The following PHF24 variants were observed in gnomAD, a reference collection of about 807,000 sequenced individuals.
The protein encoded by PHF24 is Galpha inhibitory interacting protein.
Under a neutral mutation model 42.6 loss-of-function variants are expected in PHF24, and 25 were observed. That is an observed-to-expected ratio of 0.59 (90% CI 0.43 to 0.82). The LOEUF (loss-of-function observed/expected upper bound fraction) is 0.82. Among genes scored for constraint, PHF24 ranks in the 40% least tolerant of loss-of-function variants. The pLI is 0.00. For synonymous variants in PHF24, 185 were observed against 204.8 expected (o/e 0.90, Z 0.83); for missense variants, 470 against 538.1 (o/e 0.87, Z 1.25).
the PHF24 span, among the ~76,000 whole-genome samples, chr9:34,928,216 CAAAA>C: frequency 1.0e-4 from 11 of 109,264 alleles, no homozygotes; most frequent in Non-Finnish European, 1.4e-4. Context: ...GACTCTGTCT[CAAAA>C]AAAAAAAAAA....
the PHF24 span, among the ~76,000 whole-genome samples, chr9:34,945,693 T>G: frequency 2.0e-5 from 3 of 152,186 alleles, no homozygotes; most frequent in Admixed American, 2.0e-4. Context: ...TCTCCTGTAC[T>G]CACTTGCCCT....
the PHF24 span, among the ~76,000 whole-genome samples, chr9:34,878,029 G>T: frequency 6.6e-6 from 1 of 152,140 alleles, no homozygotes; most frequent in Non-Finnish European, 1.5e-5. Flanking sequence ...AACACAAAAA[G>T]TGAACCCCAA....
the PHF24 span, among the ~76,000 whole-genome samples, chr9:34,808,222 A>C: frequency 2.6e-5 from 4 of 152,178 alleles, no homozygotes; most frequent in Admixed American, 2.6e-4. Flanking sequence ...GAAAATAATA[A>C]AAGTATAGTA....
the PHF24 span, among the ~76,000 whole-genome samples, chr9:34,854,203 T>C: frequency 3.3e-5 from 5 of 151,284 alleles, no homozygotes; most frequent in Non-Finnish European, 7.4e-5. Context: ...TCTATTTTTT[T>C]TTTTTTTTCA....
At chr9:34,728,724 A>G in the PHF24 span, 1 of 1,371,072 alleles carries the variant, frequency 7.3e-7, no homozygotes, top group Non-Finnish European at 1.0e-6. Flanking sequence ...AAATGAGACA[A>G]AACTTACATA....
the PHF24 span, among the ~76,000 whole-genome samples, chr9:34,824,047 C>T: frequency 0.95 from 144,642 of 152,266 alleles, 68,938 homozygotes; most frequent in Non-Finnish European, 0.99. Context: ...AAGGACCACA[C>T]TCCCTTCACC....
the PHF24 span, among the ~76,000 whole-genome samples, chr9:34,848,333 G>T: frequency 0.092 from 13,990 of 151,648 alleles, 1,499 homozygotes; most frequent in African/African-American, 0.26. Flanking sequence ...TCTTGGGAGG[G>T]TGTATGTGTC....
chr9:34,872,175 TTTATTTTTATTTTTA>T, the PHF24 span, among the ~76,000 whole-genome samples: 1 of 148,906 alleles, frequency 6.7e-6, no homozygotes, highest in Admixed American at 6.8e-5. Flanking sequence ...TAAACAGCAA[TTTATTTTTATTTTTA>T]TTATTTTTTT....
the PHF24 span, among the ~76,000 whole-genome samples, chr9:34,734,561 G>GT: frequency 2.6e-5 from 4 of 152,348 alleles, no homozygotes; most frequent in Admixed American, 6.5e-5. Flanking sequence ...ATGAAGAGCA[G>GT]TAAGTCCTGT....
At chr9:34,934,254 T>C in the PHF24 span, among the ~76,000 whole-genome samples, 1 of 152,170 alleles carries the variant, frequency 6.6e-6, no homozygotes, top group African/African-American at 2.4e-5. Context: ...TGTAGTAACA[T>C]TGCTTATGTC....
chr9:34,902,795 AAAAAG>A, the PHF24 span, among the ~76,000 whole-genome samples: 1 of 152,254 alleles, frequency 6.6e-6, no homozygotes, highest in South Asian at 2.1e-4. Context: ...TTCAATTAAG[AAAAAG>A]AAAAGAGCTT....
At chr9:34,982,382 A>C (rs1827426788) in exon 8 of PHF24, 1 of 152,244 alleles carries the variant, frequency 6.6e-6, no homozygotes, top group African/African-American at 2.4e-5. Flanking sequence ...TTTCTGCAGA[A>C]GGTAACTTGA....
At chr9:34,728,200 C>A in the PHF24 span, 2 of 869,174 alleles carry the variant, frequency 2.3e-6, no homozygotes, top group African/African-American at 3.4e-5. Flanking sequence ...CTGAAAAGTC[C>A]GTACTCTAAG....
At chr9:34,829,505 T>C in the PHF24 span, among the ~76,000 whole-genome samples, 6 of 152,188 alleles carry the variant, frequency 3.9e-5, no homozygotes, top group Non-Finnish European at 8.8e-5. Flanking sequence ...AATTATTGAA[T>C]GTAAGATGTT....
the PHF24 span, among the ~76,000 whole-genome samples, chr9:34,937,025 G>A: frequency 6.8e-6 from 1 of 146,216 alleles, no homozygotes; most frequent in Non-Finnish European, 1.5e-5. Flanking sequence ...GAGGGAGGTG[G>A]GGGGGTCAGC....
chr9:34,778,208 A>C, the PHF24 span, among the ~76,000 whole-genome samples: 17 of 152,328 alleles, frequency 1.1e-4, no homozygotes, highest in African/African-American at 3.6e-4. Context: ...GGAGGAACAG[A>C]AGAATAAGAA....
At chr9:34,876,950 C>G in the PHF24 span, among the ~76,000 whole-genome samples, 1 of 152,070 alleles carries the variant, frequency 6.6e-6, no homozygotes, top group African/African-American at 2.4e-5. Context: ...GTGGTATATA[C>G]ATACAATGGA....
chr9:34,929,223 G>A, the PHF24 span, among the ~76,000 whole-genome samples: 1 of 152,174 alleles, frequency 6.6e-6, no homozygotes, highest in Admixed American at 6.5e-5. Flanking sequence ...CTCCTCTGGA[G>A]GGAGTTTCCC....
the PHF24 span, among the ~76,000 whole-genome samples, chr9:34,719,396 T>G: frequency 6.6e-6 from 1 of 152,208 alleles, no homozygotes; most frequent in Non-Finnish European, 1.5e-5. Context: ...CTTGCCTCTC[T>G]TCACCCTGGG....
Sources: gnomAD v4.1 joint callset for allele counts (sites outside exome capture counted in the v4.1 genomes callset) on GRCh38, gnomAD v4.1.1 for gene constraint, MANE v1.5 for transcripts, NCBI Gene and HGNC (gene_info 2026-07-23, HGNC 2026-07-21) for gene names.